GPR22: variants seen among roughly 807,000 people sequenced by gnomAD.
GPR22 encodes the protein G protein-coupled receptor 22.
GPR22 carries 13 observed loss-of-function variants against 31.0 expected under a neutral mutation model. The ratio of observed to expected loss-of-function variants is 0.42; its 90% confidence interval spans 0.27 to 0.67. GPR22 has a LOEUF of 0.67. GPR22 is among the 30% of genes least tolerant of loss of function. The probability of loss-of-function intolerance (pLI) is 0.25; values close to 1 mark genes in which losing one functional copy is unlikely to be tolerated. For missense variants in GPR22, 368 were observed against 509.6 expected, an observed-to-expected ratio of 0.72 and a Z score of 2.67; for synonymous variants, 191 against 173.4, an observed-to-expected ratio of 1.10 and a Z score of -0.80.
chr7:107,470,215 T>C lies in GPR22; in HGVS notation c.-1188T>C, dbSNP rs1796552648. On this transcript the variant is annotated 5_prime_UTR_variant, in exon 1 of 3. It removes the in-frame stop codon of an upstream open reading frame in the 5' UTR. Transcript: ENST00000304402. ...TTTCAGATGCTTATTGATTCCACAG[T>C]AGGAAGAGTGAGAGACTGCAGCAGC... 1 of 152,240 alleles carries C rather than the reference T, an allele frequency of 6.6e-6. No homozygotes were observed. 9.4% of individuals were successfully genotyped at this position (152,240 alleles called of 1,614,324 possible). A position where few individuals can be genotyped will look rare whatever the true frequency, so the allele number is the denominator to read the frequency against.
chr7:107,472,736 T>C (rs1466508878), intron 2 of GPR22: 1 of 151,946 alleles, frequency 6.6e-6, no homozygotes, highest in Non-Finnish European at 1.5e-5. Flanking sequence ...AAAAAGTTCA[T>C]AAATAAAACT....
At chr7:107,473,797 C>T (rs989095575) in intron 2 of GPR22, among the ~76,000 whole-genome samples, 6 of 151,918 alleles carry the variant, frequency 3.9e-5, no homozygotes. Context: ...AGCATATTAA[C>T]TTTGCACTAC....
chr7:107,476,652 A>G (rs182210923), downstream of GPR22, among the ~76,000 whole-genome samples: 7 of 151,858 alleles, frequency 4.6e-5, no homozygotes, highest in East Asian at 1.4e-3. Flanking sequence ...TAATCTATCG[A>G]TAAGTGTCAA....
At position 107,474,798 on chromosome 7, in the gene GPR22, T is replaced by A; in HGVS notation, c.738T>A (p.Phe246Leu). 6.2e-7 allele frequency: 1 copy of A among 1,612,684 alleles called. No individual in the cohort carries two copies. The highest frequency in any genetic ancestry group is 2.2e-5 in the East Asian group (1 of 44,762). Residue 246 changes from phenylalanine (F) to leucine (L), a missense_variant, in exon 3 of 3, where the codon TTT becomes TTA. By Grantham distance (22) the Phe-to-Leu change is conservative. Coordinates refer to ENST00000304402, the MANE Select transcript of GPR22 (RefSeq NM_005295.3). The surrounding 1 kb of genome is among the most constrained non-coding windows in gnomAD (Gnocchi z 5.7). ...TTAATATTCGAATAGGCACAAGATTTTCAACAGGGCAGAAGAAGAAAGCAA... is the reference window on the plus strand; with the variant it reads ...TTAATATTCGAATAGGCACAAGATTATCAACAGGGCAGAAGAAGAAAGCAA... ...QALNIRIGTR[F>L]STGQKKKARK...
Position 107,474,592 on chromosome 7 carries a change from G to C in GPR22, c.532G>C (p.Glu178Gln). The C allele has an allele frequency of 2.5e-6, 4 of 1,610,108 alleles. No individual in the cohort carries two copies. Among genetic ancestry groups the C allele is most frequent in the Non-Finnish European group, 3.4e-6 (4 of 1,178,352 alleles). ...SFFSFLIPFI[E>Q]VNFFSLQSGN... is the part of the protein sequence containing the mutation. Reference sequence around the variant, plus strand: ...TTTCTCTTTCCTGATTCCTTTTATTGAGGTAAATTTTTTCAGTCTTCAAAG... The same window carrying C: ...TTTCTCTTTCCTGATTCCTTTTATTCAGGTAAATTTTTTCAGTCTTCAAAG... Residue 178 changes from glutamate (E) to glutamine (Q), a missense_variant, in exon 3 of 3, where the codon GAG becomes CAG. Transcript: ENST00000304402. This position sits in a 1 kb window ranked among gnomAD's most constrained non-coding sequence, Gnocchi z 5.7.
In GPR22 at chr7:107,474,903, C is replaced by G. The variant is rs940474978; in HGVS notation, c.843C>G (p.Val281=). The change falls in exon 3 of 3, where the codon GTC becomes GTG. Residue 281 remains valine (V), a synonymous_variant. Coordinates refer to ENST00000304402, the MANE Select transcript of GPR22 (RefSeq NM_005295.3). The surrounding 1 kb of genome is among the most constrained non-coding windows in gnomAD (Gnocchi z 5.7). ...AAAGCAGTGGTGGGAGAAATGTAGT[C>G]TTTGGTGTAAGAACTTCAGTTTCTG... ...MSQSSGGRNV[V]FGVRTSVSVI... 1 of 1,613,110 alleles carries G rather than the reference C, an allele frequency of 6.2e-7. No homozygotes were observed. The highest frequency in any genetic ancestry group is 8.5e-7 in the Non-Finnish European group (1 of 1,179,456).
Position 107,471,534 on chromosome 7 carries a change from G to A in GPR22, c.-795G>A, listed in dbSNP as rs1476969900. On this transcript the variant is annotated 5_prime_UTR_variant, in exon 2 of 3. Transcript: ENST00000304402. ...AGGGAATAGGTCTACATTACTGATG[G>A]AATATAAAAAATCAACTGTATCCTA... The A allele has an allele frequency of 6.6e-6, 1 of 151,530 alleles. No individual in the cohort carries two copies. Among genetic ancestry groups the A allele is most frequent in the Non-Finnish European group, 1.5e-5 (1 of 67,850 alleles). 9.4% of individuals were successfully genotyped at this position (151,530 alleles called of 1,614,324 possible).
At position 107,474,641 on chromosome 7, in the gene GPR22, C is replaced by T. The variant is rs1796859157; in HGVS notation, c.581C>T (p.Thr194Ile). The change falls in exon 3 of 3, where the codon ACA (threonine) becomes ATA (isoleucine). Residue 194 changes from threonine to isoleucine, a missense_variant. Thr to Ile is a moderately conservative substitution (Grantham distance 89). Coordinates refer to ENST00000304402, the MANE Select transcript of GPR22 (RefSeq NM_005295.3). This position sits in a 1 kb window ranked among gnomAD's most constrained non-coding sequence, Gnocchi z 5.7. ...AGTGGAAATACCTGGGAAAACAAGA[C>T]ACTTTTATGTGTCAGTACAAATGAA... ...LQSGNTWENK[T>I]LLCVSTNEYY... is the part of the protein sequence containing the mutation. The T allele has an allele frequency of 6.2e-7, 1 of 1,609,756 alleles. No homozygotes were observed. Among genetic ancestry groups the T allele is most frequent in the Non-Finnish European group, 8.5e-7 (1 of 1,176,714 alleles).
chr7:107,475,194 GA>G lies in GPR22; in HGVS notation c.1138del (p.Ser380ValfsTer3). 6.2e-7 allele frequency: 1 copy of G among 1,611,858 alleles called. No individual in the cohort carries two copies. Among genetic ancestry groups the G allele is most frequent in the Non-Finnish European group, 8.5e-7 (1 of 1,178,778 alleles). On this transcript the variant is annotated frameshift_variant, in exon 3 of 3. Transcript: ENST00000304402. LOFTEE classifies it high-confidence loss of function. ...FTRQKFQKVL[K>X]SKMKKRVVSI... Reference sequence around the variant, plus strand: ...CTAGACAAAAATTTCAAAAGGTCTTGAAAAGTAAAATGAAAAAGCGAGTTGT... The same window carrying G: ...CTAGACAAAAATTTCAAAAGGTCTTGAAAGTAAAATGAAAAAGCGAGTTGT...
downstream of GPR22, among the ~76,000 whole-genome samples, chr7:107,476,263 T>C (rs1796988819): frequency 6.9e-6 from 1 of 144,766 alleles, no homozygotes; most frequent in Non-Finnish European, 1.5e-5. Flanking sequence ...AGCTCTTTTG[T>C]ATAATAGAAA....
chr7:107,475,662 G>A lies in GPR22; in HGVS notation c.*300G>A, dbSNP rs1250628679. ...AATAAATACATAGCCTTAAAACAGT[G>A]TATAACTTTAAAATGTAACTGACAT... is the stretch of plus-strand genomic sequence containing the variant. On this transcript the variant is annotated 3_prime_UTR_variant, in exon 3 of 3. Coordinates refer to ENST00000304402, the MANE Select transcript of GPR22 (RefSeq NM_005295.3). The A allele has an allele frequency of 4.5e-6, 1 of 221,492 alleles. No individual in the cohort carries two copies. 13.7% of individuals were successfully genotyped at this position (221,492 alleles called of 1,614,324 possible).
At chr7:107,476,304 G>GAA (rs5886418), downstream of GPR22, among the ~76,000 whole-genome samples, 232 of 144,138 alleles carry the variant, frequency 1.6e-3, 2 homozygotes, top group African/African-American at 4.6e-3. Flanking sequence ...TACCAGGAAT[G>GAA]AAAAAAAAAA....
intron 2 of GPR22, among the ~76,000 whole-genome samples, chr7:107,473,826 G>C (rs1796800716): frequency 6.6e-6 from 1 of 151,856 alleles, no homozygotes; most frequent in African/African-American, 2.4e-5. Flanking sequence ...AATTTCCATA[G>C]TTATTTCTTC....
At chr7:107,476,386 C>T (rs188273403), downstream of GPR22, among the ~76,000 whole-genome samples, 50 of 151,314 alleles carry the variant, frequency 3.3e-4, no homozygotes, top group Non-Finnish European at 6.2e-4. Context: ...GGGTAATACA[C>T]TTTATACAAT....
At chr7:107,472,973 C>G (rs1444256612) in intron 2 of GPR22, 1 of 151,494 alleles carries the variant, frequency 6.6e-6, no homozygotes, top group Non-Finnish European at 1.5e-5. Context: ...ATTCTAAACC[C>G]CTATATATTA....
intron 2 of GPR22, among the ~76,000 whole-genome samples, chr7:107,473,402 G>A (rs1321537814): frequency 1.3e-5 from 2 of 151,884 alleles, no homozygotes; most frequent in African/African-American, 2.4e-5. Flanking sequence ...AGTTCAGTGA[G>A]CATTGTAACT....
chr7:107,475,093 T>G lies in GPR22; in HGVS notation c.1033T>G (p.Leu345Val). The G allele has an allele frequency of 1.2e-6, 2 of 1,612,938 alleles. No homozygotes were observed. The highest frequency in any genetic ancestry group is 1.7e-6 in the Non-Finnish European group (2 of 1,179,290). The change falls in exon 3 of 3, where the codon TTA (leucine) becomes GTA (valine). Residue 345 changes from leucine to valine, a missense_variant. Coordinates refer to ENST00000304402, the MANE Select transcript of GPR22 (RefSeq NM_005295.3). ...TILCLGPSDL[L>V]VKLRLCFLVM... Reference sequence around the variant, plus strand: ...TTTATGTTTAGGCCCAAGTGACCTTTTAGTAAAATTAAGATTGTGTTTTTT... The same window carrying G: ...TTTATGTTTAGGCCCAAGTGACCTTGTAGTAAAATTAAGATTGTGTTTTTT...
intron 2 of GPR22, among the ~76,000 whole-genome samples, chr7:107,473,573 T>C (rs1015979556): frequency 2.6e-5 from 4 of 151,984 alleles, no homozygotes; most frequent in Non-Finnish European, 5.9e-5. Flanking sequence ...ACACTTGTCC[T>C]GTTCATTTGA....
In GPR22 at chr7:107,475,054, T is replaced by C. The variant is rs754057234; in HGVS notation, c.994T>C (p.Leu332=). 6.2e-7 allele frequency: 1 copy of C among 1,613,150 alleles called. No individual in the cohort carries two copies. Among genetic ancestry groups the C allele is most frequent in the Non-Finnish European group, 8.5e-7 (1 of 1,179,422 alleles). ...FLLCWTPISV[L]NTTILCLGPS... The stretch of plus-strand genomic sequence containing the variant: ...TCTCTGCTGGACACCAATTTCTGTT[T>C]TAAATACCACCATTTTATGTTTAGG... The change falls in exon 3 of 3, where the codon TTA becomes CTA. Residue 332 remains leucine, a synonymous_variant. Transcript: ENST00000304402.
Sources: allele counts gnomAD v4.1 joint callset (sites outside exome capture counted in the v4.1 genomes callset), GRCh38; gene constraint gnomAD v4.1.1; non-coding constraint Gnocchi (gnomAD v3.1); transcripts MANE v1.5; gene names NCBI Gene and HGNC (gene_info 2026-07-23, HGNC 2026-07-21).